Variants in PRKAR2A observed in about 807,000 individuals in gnomAD.
PRKAR2A encodes the protein protein kinase cAMP-dependent type II regulatory subunit alpha.
PRKAR2A carries 29 observed loss-of-function variants against 51.9 expected under a neutral mutation model. The ratio of observed to expected loss-of-function variants is 0.56; its 90% CI spans 0.42 to 0.76. The LOEUF (loss-of-function observed/expected upper bound fraction) is 0.76. PRKAR2A is among the 30% of genes least tolerant of loss of function. The pLI is 0.00. For missense variants in PRKAR2A, 445 were observed against 512.1 expected (o/e 0.87, Z 1.26); for synonymous variants, 178 against 186.2 (o/e 0.96, Z 0.36).
chr3:48,786,496 T>C (rs1249429817), intron 4 of PRKAR2A, among the ~76,000 whole-genome samples: 2 of 150,154 alleles, frequency 1.3e-5, no homozygotes, highest in Admixed American at 1.3e-4. Context: ...TCTCAGGTAC[T>C]TTACTCAAGA....
At chr3:48,774,326 G>A (rs1289351751) in intron 5 of PRKAR2A, among the ~76,000 whole-genome samples, 1 of 151,768 alleles carries the variant, frequency 6.6e-6, no homozygotes, top group Non-Finnish European at 1.5e-5. Context: ...TTTGAAATAT[G>A]CTAAATATTG....
At chr3:48,846,821 G>C (rs1206041282) in intron 1 of PRKAR2A, among the ~76,000 whole-genome samples, 1 of 152,144 alleles carries the variant, frequency 6.6e-6, no homozygotes, top group Non-Finnish European at 1.5e-5. Context: ...AAAGAAAAAA[G>C]GTATGGATGA....
At chr3:48,845,852 G>A (rs1185993867) in intron 1 of PRKAR2A, among the ~76,000 whole-genome samples, 2 of 137,462 alleles carry the variant, frequency 1.5e-5, no homozygotes, top group East Asian at 3.9e-4. Flanking sequence ...AGGCCCAGGT[G>A]GGAGGATACC....
chr3:48,745,080 G>C (rs1007938704), downstream of PRKAR2A, among the ~76,000 whole-genome samples: 2 of 151,914 alleles, frequency 1.3e-5, no homozygotes, highest in African/African-American at 4.8e-5. Flanking sequence ...TCACCATGTT[G>C]GCCAGGCTGG....
At chr3:48,794,311 C>T (rs2082453585) in intron 2 of PRKAR2A, among the ~76,000 whole-genome samples, 1 of 151,684 alleles carries the variant, frequency 6.6e-6, no homozygotes, top group African/African-American at 2.4e-5. Flanking sequence ...ACCACCATGC[C>T]TGGCTAATTT....
chr3:48,772,964 A>G lies in PRKAR2A; in HGVS notation c.687T>C (p.Leu229=), dbSNP rs1313134368. Reference sequence around the variant, plus strand: ...GATTTCTCTCACTCACCAGTCCCCAAAGGGAGCCTTCTGAGGTAGCAACAA... The same window carrying G: ...GATTTCTCTCACTCACCAGTCCCCAGAGGGAGCCTTCTGAGGTAGCAACAA... ...ATIVATSEGS[L]WGLDRVTFRR... The change falls in exon 6 of 11, where the codon CTT becomes CTC. Residue 229 remains leucine (L), a synonymous_variant. Coordinates refer to ENST00000265563, the MANE Select transcript of PRKAR2A (RefSeq NM_004157.4). The G allele has an allele frequency of 5.6e-6, 9 of 1,612,056 alleles. No individual in the cohort carries two copies. Among genetic ancestry groups the G allele is most frequent in the Non-Finnish European group, 6.8e-6 (8 of 1,179,104 alleles).
chr3:48,831,817 A>G (rs948564540), intron 1 of PRKAR2A, among the ~76,000 whole-genome samples: 1 of 152,028 alleles, frequency 6.6e-6, no homozygotes, highest in Admixed American at 6.6e-5. Flanking sequence ...GGGTTTCACC[A>G]TACTGGCCAG....
In PRKAR2A at chr3:48,777,504, TAC is replaced by T. The variant is rs1474101670; in HGVS notation, c.543-4398_543-4397del. Among the ~76,000 whole-genome samples, 5 of 152,166 alleles carry T rather than the reference TAC, an allele frequency of 3.3e-5. No individual in the cohort carries two copies. The East Asian group carries it at 9.7e-4, about 29-fold the overall frequency. On this transcript the variant is annotated intron_variant, in intron 5 of 10. Transcript: ENST00000265563. ...CACTGTAAGCTCCGCCTCCTGGGTT[TAC>T]ACCATTCTCCTGCCTCAGCTTCCCG...
intron 5 of PRKAR2A, among the ~76,000 whole-genome samples, chr3:48,782,460 G>A (rs2082215070): frequency 6.7e-6 from 1 of 150,186 alleles, no homozygotes; most frequent in Non-Finnish European, 1.5e-5. Context: ...TTGAGATGGA[G>A]TCTTGCTCTG....
intron 5 of PRKAR2A, among the ~76,000 whole-genome samples, chr3:48,780,994 G>A (rs531212933): frequency 1.3e-5 from 2 of 151,994 alleles, no homozygotes; most frequent in Non-Finnish European, 2.9e-5. Context: ...TGGTGGGGAC[G>A]AAGTCTCACT....
chr3:48,802,841 C>T (rs537877444), intron 2 of PRKAR2A, among the ~76,000 whole-genome samples: 1 of 152,264 alleles, frequency 6.6e-6, no homozygotes, highest in South Asian at 2.1e-4. Flanking sequence ...ATAGAGCCAA[C>T]GATATGTTTC....
At chr3:48,789,666 T>C (rs535085710) in intron 4 of PRKAR2A, among the ~76,000 whole-genome samples, 2 of 151,900 alleles carry the variant, frequency 1.3e-5, no homozygotes, top group East Asian at 3.9e-4. Flanking sequence ...AATTTTTGTA[T>C]TTTTAGTAGA....
At chr3:48,795,767 C>A (rs897157997) in intron 2 of PRKAR2A, among the ~76,000 whole-genome samples, 2 of 152,040 alleles carry the variant, frequency 1.3e-5, no homozygotes, top group African/African-American at 2.4e-5. Context: ...AATCTCCTGA[C>A]CTTGTGATCC....
intron 9 of PRKAR2A, among the ~76,000 whole-genome samples, chr3:48,755,045 T>G (rs2081737541): frequency 6.7e-6 from 1 of 148,950 alleles, no homozygotes; most frequent in South Asian, 2.2e-4. Context: ...TTGCCCAGGC[T>G]GGAGTACAGT....
chr3:48,752,114 T>C, intron 10 of PRKAR2A, 62 bp downstream of exon 10: 3 of 1,562,722 alleles, frequency 1.9e-6, no homozygotes, highest in Non-Finnish European at 2.6e-6. Context: ...CAAGGCTTGC[T>C]GATGGGAAAA....
intron 6 of PRKAR2A, among the ~76,000 whole-genome samples, chr3:48,769,319 G>A (rs1305116814): frequency 5.3e-5 from 8 of 151,454 alleles, no homozygotes; most frequent in Admixed American, 2.6e-4. Flanking sequence ...CACCGCGCCC[G>A]GCTAATTTTT....
In PRKAR2A at chr3:48,831,617, A is replaced by G. The variant is rs557296265; in HGVS notation, c.262+15718T>C. On this transcript the variant is annotated intron_variant, in intron 1 of 10. Transcript: ENST00000265563. Reference sequence around the variant, plus strand: ...GCCTCAAGCGGATTGCCTCGAAAAAATATTTTTTCTTTTTTTTGAGACAGA... The same window carrying G: ...GCCTCAAGCGGATTGCCTCGAAAAAGTATTTTTTCTTTTTTTTGAGACAGA... 2.4e-5 allele frequency among the ~76,000 whole-genome samples: 3 copies of G among 125,784 alleles called. No homozygotes were observed. In the South Asian group the frequency reaches 1.0e-3, roughly 43 times the overall value. 82.5% of individuals were successfully genotyped at this position (125,784 alleles called of 152,430 possible). A position where few individuals can be genotyped will look rare whatever the true frequency, so the allele number is the denominator to read the frequency against.
chr3:48,801,978 C>T (rs985742145), intron 2 of PRKAR2A, among the ~76,000 whole-genome samples: 41 of 152,218 alleles, frequency 2.7e-4, no homozygotes, highest in African/African-American at 7.9e-4. Context: ...AGTACGATCT[C>T]GGTTCACTGC....
chr3:48,838,172 C>T (rs1007168310), intron 1 of PRKAR2A, among the ~76,000 whole-genome samples: 1 of 151,134 alleles, frequency 6.6e-6, no homozygotes, highest in African/African-American at 2.4e-5. Flanking sequence ...AGCAAGACTC[C>T]GCTCAAAAAA....
Sources: allele counts gnomAD v4.1 joint callset (sites outside exome capture counted in the v4.1 genomes callset), GRCh38; gene constraint gnomAD v4.1.1; transcripts MANE v1.5; gene names NCBI Gene and HGNC (gene_info 2026-07-23, HGNC 2026-07-21).